Variants in ADAMTS16 observed in about 807,000 individuals in gnomAD.
The protein encoded by ADAMTS16 is A disintegrin and metalloproteinase with thrombospondin motifs 16.
ADAMTS16 carries 94 observed loss-of-function variants against 145.8 expected under a neutral mutation model. The observed-to-expected ratio is 0.64, with a 90% CI of 0.55 to 0.77. ADAMTS16 has a LOEUF of 0.77. Ranked by LOEUF, ADAMTS16 falls within the 30% of genes least tolerant of loss-of-function variation. The pLI is 0.00. For missense variants in ADAMTS16, 1,585 were observed against 1,591.5 expected, an observed-to-expected ratio of 1.00 and a Z score of 0.07; for synonymous variants, 659 against 604.3, an observed-to-expected ratio of 1.09 and a Z score of -1.33.
chr5:5,159,467 A>G (rs1346846778), intron 3 of ADAMTS16, among the ~76,000 whole-genome samples: 2 of 152,198 alleles, frequency 1.3e-5, no homozygotes, highest in African/African-American at 4.8e-5. Context: ...GGCACAAAGT[A>G]AGAACTGAAC....
chr5:5,249,328 A>G (rs1207739934), intron 17 of ADAMTS16, among the ~76,000 whole-genome samples: 1 of 152,172 alleles, frequency 6.6e-6, no homozygotes, highest in Admixed American at 6.5e-5. Context: ...AGTTTTTCCT[A>G]CATGTGAGGC....
chr5:5,311,413 T>C (rs1392231707), intron 21 of ADAMTS16, among the ~76,000 whole-genome samples: 1 of 152,220 alleles, frequency 6.6e-6, no homozygotes, highest in African/African-American at 2.4e-5. Context: ...TGGAATCTTT[T>C]TTCGGTATTA....
intron 3 of ADAMTS16, among the ~76,000 whole-genome samples, chr5:5,158,072 A>G (rs1318492197): frequency 6.6e-6 from 1 of 152,222 alleles, no homozygotes; most frequent in Non-Finnish European, 1.5e-5. Context: ...CCCATAAGTA[A>G]TATCACACTG....
At chr5:5,246,467 T>C (rs1737447024) in intron 17 of ADAMTS16, among the ~76,000 whole-genome samples, 1 of 152,212 alleles carries the variant, frequency 6.6e-6, no homozygotes, top group Middle Eastern at 3.2e-3. Flanking sequence ...AAAAAAATGA[T>C]TGAAATCGCT....
intron 9 of ADAMTS16, 92 bp from the exon 10 acceptor site, chr5:5,209,001 A>C (rs1368075100): frequency 2.1e-6 from 3 of 1,421,542 alleles, no homozygotes; most frequent in South Asian, 2.9e-5. Context: ...TATATGTTGT[A>C]AAATTACATG....
At chr5:5,169,227 A>G (rs1389441454) in intron 3 of ADAMTS16, among the ~76,000 whole-genome samples, 1 of 152,212 alleles carries the variant, frequency 6.6e-6, no homozygotes, top group Admixed American at 6.5e-5. Flanking sequence ...TTTAATAATT[A>G]TCACTATGCT....
intron 8 of ADAMTS16, among the ~76,000 whole-genome samples, chr5:5,195,403 T>G (rs775452711): frequency 6.6e-6 from 1 of 152,176 alleles, no homozygotes; most frequent in Non-Finnish European, 1.5e-5. Flanking sequence ...CTAAGGGAAG[T>G]CATGTCATTT....
intron 10 of ADAMTS16, among the ~76,000 whole-genome samples, chr5:5,210,192 A>AT (rs201133936): frequency 7.3e-5 from 11 of 151,424 alleles, no homozygotes; most frequent in South Asian, 2.1e-4. Context: ...TCCCTGAGAA[A>AT]TTTTTTTTTT....
At chr5:5,247,027 T>C (rs1245301568) in intron 17 of ADAMTS16, among the ~76,000 whole-genome samples, 4 of 152,210 alleles carry the variant, frequency 2.6e-5, no homozygotes, top group African/African-American at 9.6e-5. Context: ...TGAGTTCCAT[T>C]GCTGGGATGG....
chr5:5,177,977 T>C lies in ADAMTS16; in HGVS notation c.502-4067T>C, dbSNP rs148994242. 9.3e-4 allele frequency among the ~76,000 whole-genome samples: 142 copies of C among 152,308 alleles called. 2 individuals are homozygous for C. Among genetic ancestry groups the C allele is most frequent in the Non-Finnish European group, 1.8e-3 (120 of 68,018 alleles). On this transcript the variant is annotated intron_variant, in intron 3 of 22. Coordinates refer to ENST00000274181, the MANE Select transcript of ADAMTS16 (RefSeq NM_139056.4). ...TGGGCGTTTATTCATTTCTTCTTAA[T>C]TTCTATTTTATTTTTTGATTTATGA...
At chr5:5,143,552 AT>A (rs879448537) in intron 2 of ADAMTS16, among the ~76,000 whole-genome samples, 2 of 152,208 alleles carry the variant, frequency 1.3e-5, no homozygotes, top group Non-Finnish European at 2.9e-5. Flanking sequence ...TAGTTCAACC[AT>A]TGTGGAAGAC....
chr5:5,318,266 AT>A lies in ADAMTS16; in HGVS notation c.3546del (p.Ile1182MetfsTer86). 1 of 1,501,796 alleles carries A rather than the reference AT, an allele frequency of 6.7e-7. No homozygotes were observed. The highest frequency in any genetic ancestry group is 2.4e-5 in the East Asian group (1 of 41,342). 93.0% of individuals were successfully genotyped at this position (1,501,796 alleles called of 1,614,324 possible). A position where few individuals can be genotyped will look rare whatever the true frequency, so the allele number is the denominator to read the frequency against. On this transcript the variant is annotated frameshift_variant, in exon 22 of 23. Transcript: ENST00000274181. LOFTEE classifies it low-confidence loss of function (END_TRUNC). Reference sequence around the variant, plus strand: ...GGCCTGCAACACTCACTTCTGCCCCATTGCAGAGAAGAAAGGTGAGTACATG... The same window carrying A: ...GGCCTGCAACACTCACTTCTGCCCCATGCAGAGAAGAAAGGTGAGTACATG... ...SLACNTHFCP[I>X]AEKKDAFCKD...
chr5:5,192,794 G>A (rs1370538512), intron 8 of ADAMTS16, among the ~76,000 whole-genome samples: 1 of 152,088 alleles, frequency 6.6e-6, no homozygotes, highest in Non-Finnish European at 1.5e-5. Context: ...AATTTCTGAG[G>A]CCAATAATTC....
intron 18 of ADAMTS16, among the ~76,000 whole-genome samples, chr5:5,293,385 G>A (rs10073274): frequency 0.022 from 3,412 of 152,194 alleles, 121 homozygotes; most frequent in African/African-American, 0.078. Flanking sequence ...AGCCCTCAGA[G>A]CTCTTTCATG....
At chr5:5,286,101 G>C (rs1739090462) in intron 18 of ADAMTS16, among the ~76,000 whole-genome samples, 1 of 152,086 alleles carries the variant, frequency 6.6e-6, no homozygotes, top group African/African-American at 2.4e-5. Context: ...ATGCTACATG[G>C]GTTGGCTGCT....
chr5:5,155,674 C>T (rs992794653), intron 3 of ADAMTS16, among the ~76,000 whole-genome samples: 3 of 152,238 alleles, frequency 2.0e-5, no homozygotes, highest in South Asian at 2.1e-4. Flanking sequence ...AAGCTACAAA[C>T]TAGAATCAGC....
At chr5:5,227,123 G>A (rs1169551989) in intron 11 of ADAMTS16, among the ~76,000 whole-genome samples, 3 of 152,208 alleles carry the variant, frequency 2.0e-5, no homozygotes, top group Non-Finnish European at 2.9e-5. Context: ...AGAGGACACC[G>A]GGCTCAGAGC....
chr5:5,300,715 T>G (rs1410255621), intron 18 of ADAMTS16, among the ~76,000 whole-genome samples: 1 of 152,162 alleles, frequency 6.6e-6, no homozygotes, highest in Non-Finnish European at 1.5e-5. Context: ...TCAATTTCCC[T>G]CTCCTTCGAG....
In ADAMTS16 at chr5:5,181,914, T is replaced by C. The variant is rs368809450; in HGVS notation, c.502-130T>C. 112 of 1,073,288 alleles carry C rather than the reference T, an allele frequency of 1.0e-4. No homozygotes were observed. The African/African-American group carries it at 1.5e-3, about 14-fold the overall frequency. The allele number at this position is 1,073,288 out of a possible 1,614,324, so 66.5% of individuals were successfully genotyped here. On this transcript the variant is annotated intron_variant, in intron 3 of 22. Transcript: ENST00000274181. ...AGCCGGGGTTTTTGAACCTTTCCAA[T>C]GTTCGCTCTCACTGGAGGGAACAGC...
Sources: gnomAD v4.1 joint callset for allele counts (sites outside exome capture counted in the v4.1 genomes callset) on GRCh38, gnomAD v4.1.1 for gene constraint, MANE v1.5 for transcripts, NCBI Gene and HGNC (gene_info 2026-07-23, HGNC 2026-07-21) for gene names.